ETNPPL: variants seen among roughly 807,000 people sequenced by gnomAD.
ETNPPL encodes the protein alanine--glyoxylate aminotransferase 2-like 1.
In ETNPPL, 30 loss-of-function variants were observed where a neutral mutation model predicts 55.5. The observed-to-expected ratio is 0.54, with a 90% CI of 0.40 to 0.73. ETNPPL has a LOEUF of 0.73. Ranked by LOEUF, ETNPPL falls within the 30% of genes least tolerant of loss-of-function variation. The pLI, the probability that ETNPPL is intolerant of heterozygous loss-of-function variation, is 0.00. For synonymous variants in ETNPPL, 202 were observed against 207.2 expected (o/e 0.98, Z 0.21); for missense variants, 528 against 607.9 (o/e 0.87, Z 1.38).
At chr4:108,761,535 A>AC (rs1436980790) in intron 1 of ETNPPL, among the ~76,000 whole-genome samples, 2 of 152,246 alleles carry the variant, frequency 1.3e-5, no homozygotes, top group Non-Finnish European at 2.9e-5. Context: ...TGCAGACTTC[A>AC]CATTGCCTTT....
Position 108,752,916 on chromosome 4 carries a change from A to G in ETNPPL, c.597T>C (p.Asp199=). Residue 199 remains aspartate, a synonymous_variant, in exon 6 of 13, where the codon GAT becomes GAC. Transcript: ENST00000296486. ...YADEVKKIIE[D]AHNSGRKIAA... ...AAACCTTCCTTCCACTGTTATGAGCATCTTCAATGATTTTCTTCACTTCAT... is the reference window on the plus strand; with the variant it reads ...AAACCTTCCTTCCACTGTTATGAGCGTCTTCAATGATTTTCTTCACTTCAT... 1 of 1,602,170 alleles carries G rather than the reference A, an allele frequency of 6.2e-7. No individual in the cohort carries two copies. Among genetic ancestry groups the G allele is most frequent in the Non-Finnish European group, 8.5e-7 (1 of 1,170,020 alleles).
Position 108,749,402 on chromosome 4 carries a change from C to G in ETNPPL, c.763G>C (p.Val255Leu). The change falls in exon 8 of 13, where the codon GTT becomes CTT. Residue 255 changes from valine to leucine, a missense_variant. By Grantham distance (32) the Val-to-Leu change is conservative (BLOSUM62 1). Transcript: ENST00000296486. Reference sequence around the variant, plus strand: ...TGGAAGCTCCAGAAATGTTTCCCAACTCTGCCAAAGCCCACTTGAACTTCA... The same window carrying G: ...TGGAAGCTCCAGAAATGTTTCCCAAGTCTGCCAAAGCCCACTTGAACTTCA... ...ADEVQVGFGRVGKHFWSFQMY... is the reference protein window; with the variant it reads ...ADEVQVGFGRLGKHFWSFQMY... The G allele has an allele frequency of 6.2e-7, 1 of 1,614,104 alleles. No homozygotes were observed.
chr4:108,757,602 G>A (rs182290880), intron 3 of ETNPPL, among the ~76,000 whole-genome samples: 11 of 152,244 alleles, frequency 7.2e-5, no homozygotes, highest in Middle Eastern at 3.4e-3. Context: ...GCAATACCTT[G>A]TCTCTAAAAA....
Position 108,762,952 on chromosome 4 carries a change from C to T in ETNPPL, c.-54G>A. The T allele has an allele frequency of 1.3e-6, 2 of 1,560,256 alleles. No individual in the cohort carries two copies. The highest frequency in any genetic ancestry group is 4.5e-5 in the East Asian group (2 of 44,336). Reference sequence around the variant, plus strand: ...TGCAAGGTGCAAGGTCTGCGCGCCTCCTACGCGAGCCTGGGACTGCCTTGG... The same window carrying T: ...TGCAAGGTGCAAGGTCTGCGCGCCTTCTACGCGAGCCTGGGACTGCCTTGG... On this transcript the variant is annotated 5_prime_UTR_variant, in exon 1 of 13. Transcript: ENST00000296486.
chr4:108,761,909 G>T (rs1014637651), intron 1 of ETNPPL, among the ~76,000 whole-genome samples: 1 of 152,310 alleles, frequency 6.6e-6, no homozygotes, highest in Admixed American at 6.5e-5. Context: ...GTAACCCCAA[G>T]TGCTCTCTCA....
At chr4:108,753,927 T>C (rs1012146006) in intron 5 of ETNPPL, among the ~76,000 whole-genome samples, 1 of 151,528 alleles carries the variant, frequency 6.6e-6, no homozygotes. Context: ...AATAAAGCTA[T>C]ATAATAATTT....
At chr4:108,743,444 A>T (rs1160604623) in intron 12 of ETNPPL, among the ~76,000 whole-genome samples, 1 of 152,230 alleles carries the variant, frequency 6.6e-6, no homozygotes, top group African/African-American at 2.4e-5. Context: ...GTGTGTGAGA[A>T]TCGGAGGCAG....
chr4:108,753,093 T>G, intron 5 of ETNPPL, 82 bp from the exon 6 acceptor site: 1 of 748,988 alleles, frequency 1.3e-6, no homozygotes, highest in Non-Finnish European at 2.3e-6. Flanking sequence ...CACAAGAACA[T>G]GTTAGAATGG....
At chr4:108,759,654 G>T in intron 3 of ETNPPL, 95 bp downstream of exon 3, 1 of 1,310,306 alleles carries the variant, frequency 7.6e-7, no homozygotes, top group Non-Finnish European at 1.1e-6. Flanking sequence ...AACCCTTTTG[G>T]ACAAGCTCCA....
Position 108,742,276 on chromosome 4 carries a change from A to G in ETNPPL, c.*208T>C. The G allele has an allele frequency of 2.5e-6, 1 of 402,774 alleles. No individual in the cohort carries two copies. Among genetic ancestry groups the G allele is most frequent in the Non-Finnish European group, 4.4e-6 (1 of 225,432 alleles). The allele number at this position is 402,774 out of a possible 1,614,324, so 25.0% of individuals were successfully genotyped here. On this transcript the variant is annotated 3_prime_UTR_variant, in exon 13 of 13. Transcript: ENST00000296486. ...CAGGTAGCTTCAGAAATCAACTAAG[A>G]AAATTAACAGGCTAGAGTCTGAACT...
In ETNPPL at chr4:108,762,999, C is replaced by G; in HGVS notation, c.-101G>C. ...TTGGCGGCCCCGGCCGGCCTTCCTC[C>G]CGTTATCCCTCCTGGCGTTCTCTTG... On this transcript the variant is annotated 5_prime_UTR_variant, in exon 1 of 13. Coordinates refer to ENST00000296486, the MANE Select transcript of ETNPPL (RefSeq NM_031279.4). 9.0e-7 allele frequency: 1 copy of G among 1,116,582 alleles called. No homozygotes were observed. Among genetic ancestry groups the G allele is most frequent in the Non-Finnish European group, 1.3e-6 (1 of 746,430 alleles). 69.2% of individuals were successfully genotyped at this position (1,116,582 alleles called of 1,614,324 possible).
Position 108,742,601 on chromosome 4 carries a change from T to G in ETNPPL, c.1383A>C (p.Glu461Asp), listed in dbSNP as rs745686934. Residue 461 changes from glutamate (E) to aspartate (D), a missense_variant, in exon 13 of 13, where the codon GAA (glutamate) becomes GAC (aspartate). Glu to Asp is a conservative substitution (Grantham distance 45, BLOSUM62 2). Coordinates refer to ENST00000296486, the MANE Select transcript of ETNPPL (RefSeq NM_031279.4). ...NTPCKTKMLK[E>D]AHIELLRDST... ...TGTCCCTAAGCAGTTCTATGTGGGC[T>G]TCTTTCAGCATCTGCAAGACAGGCA... The G allele has an allele frequency of 1.2e-5, 20 of 1,613,948 alleles. No individual in the cohort carries two copies. Among genetic ancestry groups the G allele is most frequent in the Admixed American group, 1.7e-5 (1 of 60,004 alleles).
intron 5 of ETNPPL, among the ~76,000 whole-genome samples, chr4:108,754,143 T>C (rs911195987): frequency 6.6e-6 from 1 of 151,840 alleles, no homozygotes; most frequent in African/African-American, 2.4e-5. Flanking sequence ...CTGGCTAATT[T>C]TTGTACTTTT....
intron 1 of ETNPPL, 41 bp from the exon 2 acceptor site, chr4:108,760,347 A>G (rs372931704): frequency 2.6e-6 from 3 of 1,142,862 alleles, no homozygotes; most frequent in Admixed American, 1.8e-5. Flanking sequence ...TGGTAGGACT[A>G]CTCTCAGTAT....
In ETNPPL at chr4:108,759,902, T is replaced by A; in HGVS notation, c.182A>T (p.His61Leu). ...DCINNVAHVG[H>L]CHPGVVKAAL... ...AGCTTTGACCACTCCTGGGTGACAGTGTCCCACTAAAATTTATGAAACAAA... is the reference window on the plus strand; with the variant it reads ...AGCTTTGACCACTCCTGGGTGACAGAGTCCCACTAAAATTTATGAAACAAA... The change falls in exon 3 of 13, where the codon CAC (histidine) becomes CTC (leucine). Residue 61 changes from histidine (H) to leucine (L), a missense_variant. Transcript: ENST00000296486. 10 of 1,613,288 alleles carry A rather than the reference T, an allele frequency of 6.2e-6. No homozygotes were observed. The highest frequency in any genetic ancestry group is 8.5e-6 in the Non-Finnish European group (10 of 1,179,758).
At position 108,742,587 on chromosome 4, in the gene ETNPPL, A is replaced by C. The variant is rs1728271408; in HGVS notation, c.1397T>G (p.Leu466Arg). ...GGAGTCAGTGGTGCTGTCCCTAAGC[A>C]GTTCTATGTGGGCTTCTTTCAGCAT... ...TKMLKEAHIELLRDSTTDSKE... is the reference protein window; with the variant it reads ...TKMLKEAHIERLRDSTTDSKE... Residue 466 changes from leucine to arginine, a missense_variant, in exon 13 of 13, where the codon CTG (leucine) becomes CGG (arginine). Physicochemically the swap from Leu to Arg is moderately radical, Grantham distance 102 (BLOSUM62 -2). Coordinates refer to ENST00000296486, the MANE Select transcript of ETNPPL (RefSeq NM_031279.4). 2.5e-6 allele frequency: 4 copies of C among 1,614,094 alleles called. No individual in the cohort carries two copies. Among genetic ancestry groups the C allele is most frequent in the Non-Finnish European group, 3.4e-6 (4 of 1,180,010 alleles).
Position 108,742,398 on chromosome 4 carries a change from G to C in ETNPPL, c.*86C>G, listed in dbSNP as rs532913124. 5 of 1,360,066 alleles carry C rather than the reference G, an allele frequency of 3.7e-6. No homozygotes were observed. The South Asian group carries it at 6.3e-5, about 17-fold the overall frequency. The allele number at this position is 1,360,066 out of a possible 1,614,324, so 84.2% of individuals were successfully genotyped here. On this transcript the variant is annotated 3_prime_UTR_variant, in exon 13 of 13. Coordinates refer to ENST00000296486, the MANE Select transcript of ETNPPL (RefSeq NM_031279.4). ...TAAACTGACAATTCCACCTTTAGAGGTATAATAGAGCTATTAACCGATGAG... is the reference window on the plus strand; with the variant it reads ...TAAACTGACAATTCCACCTTTAGAGCTATAATAGAGCTATTAACCGATGAG...
In ETNPPL at chr4:108,746,513, C is replaced by G; in HGVS notation, c.1189G>C (p.Val397Leu). The change falls in exon 11 of 13, where the codon GTG becomes CTG. Residue 397 changes from valine to leucine, a missense_variant. Val to Leu is a conservative substitution (Grantham distance 32). Transcript: ENST00000296486. The stretch of plus-strand genomic sequence containing the variant: ...TGAGGTCCATCGGCACTGAGAAGCA[C>G]TCGTTTTTCTTTCATCCTAATTTGT... ...HIIYKMKEKRVLLSADGPHRN... is the reference protein window; with the variant it reads ...HIIYKMKEKRLLLSADGPHRN... The G allele has an allele frequency of 6.2e-7, 1 of 1,612,744 alleles. No individual in the cohort carries two copies. The highest frequency in any genetic ancestry group is 2.2e-5 in the East Asian group (1 of 44,864).
Position 108,742,088 on chromosome 4 carries a change from C to T in ETNPPL, c.*396G>A, listed in dbSNP as rs2125667722. On this transcript the variant is annotated 3_prime_UTR_variant, in exon 13 of 13. Transcript: ENST00000296486. ...TATTTTATTACAGTCAATAAATATACTTTTATATATGAAATCATTATAGAA... is the reference window on the plus strand; with the variant it reads ...TATTTTATTACAGTCAATAAATATATTTTTATATATGAAATCATTATAGAA... The T allele has an allele frequency of 6.5e-6, 1 of 153,628 alleles. No homozygotes were observed. The highest frequency in any genetic ancestry group is 6.4e-5 in the Admixed American group (1 of 15,552). 9.5% of individuals were successfully genotyped at this position (153,628 alleles called of 1,614,324 possible). A position where few individuals can be genotyped will look rare whatever the true frequency, so the allele number is the denominator to read the frequency against.
Sources: gnomAD v4.1 joint callset for allele counts (sites outside exome capture counted in the v4.1 genomes callset) on GRCh38, gnomAD v4.1.1 for gene constraint, MANE v1.5 for transcripts, NCBI Gene and HGNC (gene_info 2026-07-23, HGNC 2026-07-21) for gene names.